OSBP2: variants seen among roughly 807,000 people sequenced by gnomAD.
OSBP2 encodes oxysterol-binding protein 2.
Under a neutral mutation model 96.0 loss-of-function variants are expected in OSBP2, and 66 were observed. That is an observed-to-expected ratio of 0.69 (90% CI 0.56 to 0.84). The LOEUF (loss-of-function observed/expected upper bound fraction) is 0.84. Ranked by LOEUF, OSBP2 falls within the 40% of genes least tolerant of loss-of-function variation. OSBP2 has a pLI of 0.00. For missense variants in OSBP2, 1,038 were observed against 1,222.7 expected, an observed-to-expected ratio of 0.85 and a Z score of 2.25; for synonymous variants, 525 against 520.9, an observed-to-expected ratio of 1.01 and a Z score of -0.11.
intron 2 of OSBP2, among the ~76,000 whole-genome samples, chr22:30,858,137 TTGTTTGTTTGTTTG>T (rs1569152887): frequency 0.04 from 3,768 of 94,976 alleles, 381 homozygotes; most frequent in African/African-American, 0.17. Context: ...TTTTGTTTGT[TTGTTTGTTTGTTTG>T]TTTTTTGAGA....
rs919036828 is a variant in OSBP2, at chr22:30,868,099, G to A, written c.854-2330G>A. ...CTTTCCGTCCCCAGATCTACCTCAC[G>A]GGGTCTTCGCAGGCATTAACTGAGG... On this transcript the variant is annotated intron_variant, in intron 2 of 13. Transcript: ENST00000332585. Among the ~76,000 whole-genome samples, 8 of 152,364 alleles carry A rather than the reference G, an allele frequency of 5.3e-5. No homozygotes were observed. In the South Asian group the frequency reaches 6.2e-4, roughly 12 times the overall value.
chr22:30,816,108 GTAAATAAT>G (rs2091080674), intron 2 of OSBP2, among the ~76,000 whole-genome samples: 1 of 151,918 alleles, frequency 6.6e-6, no homozygotes, highest in South Asian at 2.1e-4. Flanking sequence ...GGCATTTGCT[GTAAATAAT>G]TAAATAATTA....
At chr22:30,852,876 A>G (rs910723069) in intron 2 of OSBP2, among the ~76,000 whole-genome samples, 1 of 151,982 alleles carries the variant, frequency 6.6e-6, no homozygotes, top group Non-Finnish European at 1.5e-5. Flanking sequence ...CAGTTATTCA[A>G]CCCATTGGCT....
intron 2 of OSBP2, among the ~76,000 whole-genome samples, chr22:30,773,879 G>A (rs1358119138): frequency 6.6e-6 from 1 of 152,190 alleles, no homozygotes; most frequent in African/African-American, 2.4e-5. Context: ...TCCAGCAGGG[G>A]CAGTGGAGTC....
At chr22:30,844,871 G>C (rs2038837041) in intron 2 of OSBP2, among the ~76,000 whole-genome samples, 1 of 152,206 alleles carries the variant, frequency 6.6e-6, no homozygotes, top group African/African-American at 2.4e-5. Context: ...TAAAGTGAGA[G>C]CCATGCAACT....
intron 2 of OSBP2, among the ~76,000 whole-genome samples, chr22:30,831,343 G>A (rs1396762510): frequency 6.6e-6 from 1 of 152,178 alleles, no homozygotes; most frequent in East Asian, 1.9e-4. Flanking sequence ...GTTATTATTT[G>A]TTGTTGCTCT....
intron 2 of OSBP2, among the ~76,000 whole-genome samples, chr22:30,803,353 G>A (rs1018748012): frequency 1.3e-5 from 2 of 152,240 alleles, no homozygotes; most frequent in African/African-American, 4.8e-5. Context: ...TGGGATAGAG[G>A]GCAGGCCCCT....
Position 30,870,717 on chromosome 22 carries a change from TC to T in OSBP2, c.1107+38del. ...CACCCCCACCGCCCTGGCACGGGGC[TC>T]CCTGGCTCCAGCCCCGGGGTCCCTC... On this transcript the variant is annotated intron_variant, in intron 3 of 13. Coordinates refer to ENST00000332585, the MANE Select transcript of OSBP2 (RefSeq NM_030758.4). This position sits in a 1 kb window ranked among gnomAD's most constrained non-coding sequence, Gnocchi z 4.1. 1 of 1,599,686 alleles carries T rather than the reference TC, an allele frequency of 6.3e-7. No homozygotes were observed.
At chr22:30,767,138 CAAA>C (rs1156950666) in intron 2 of OSBP2, among the ~76,000 whole-genome samples, 11 of 78,460 alleles carry the variant, frequency 1.4e-4, no homozygotes, top group African/African-American at 4.7e-4. Context: ...ACTAAAAATA[CAAA>C]AAAAAAAAAA....
intron 3 of OSBP2, among the ~76,000 whole-genome samples, chr22:30,884,564 G>A (rs1285533951): frequency 6.6e-6 from 1 of 152,224 alleles, no homozygotes; most frequent in East Asian, 1.9e-4. Flanking sequence ...CCTGTGTGGT[G>A]CTTGAGGGAG....
chr22:30,705,701 C>T (rs1454973342), intron 1 of OSBP2, among the ~76,000 whole-genome samples: 1 of 152,114 alleles, frequency 6.6e-6, no homozygotes, highest in East Asian at 1.9e-4. Context: ...AAGATTGGGG[C>T]CTGACAAGAA....
At chr22:30,706,938 C>A (rs2089263669) in intron 1 of OSBP2, among the ~76,000 whole-genome samples, 1 of 152,110 alleles carries the variant, frequency 6.6e-6, no homozygotes, top group African/African-American at 2.4e-5. Context: ...TTGTGTATTT[C>A]ATTTGGCCAT....
At chr22:30,861,601 A>G (rs1191209961) in intron 2 of OSBP2, among the ~76,000 whole-genome samples, 3 of 152,008 alleles carry the variant, frequency 2.0e-5, no homozygotes, top group African/African-American at 4.8e-5. Flanking sequence ...CGTGCCTTCC[A>G]GCGTCCTCAG....
rs568698745 is a variant in OSBP2, at chr22:30,763,764, GTGTGTC to G, written c.853+22398_853+22403del. On this transcript the variant is annotated intron_variant, in intron 2 of 13. Transcript: ENST00000332585. ...GTCTATATACTAAAATTTATTTATT[GTGTGTC>G]TGAAATTCAAATGTAACTGGGCATC... Among the ~76,000 whole-genome samples, 84 of 152,138 alleles carry G rather than the reference GTGTGTC, an allele frequency of 5.5e-4. 2 individuals carry two copies. In the South Asian group the frequency reaches 0.017, roughly 31 times the overall value.
In OSBP2 at chr22:30,881,759, C is replaced by T. The variant is rs188700536; in HGVS notation, c.1108-5667C>T. ...AGCCAGGATGGGGCCTGGAGAAGGCCGGCAGCAGCAGAGGAGACCCTGGGA... is the reference window on the plus strand; with the variant it reads ...AGCCAGGATGGGGCCTGGAGAAGGCTGGCAGCAGCAGAGGAGACCCTGGGA... On this transcript the variant is annotated intron_variant, in intron 3 of 13. Transcript: ENST00000332585. This position sits in a 1 kb window ranked among gnomAD's most constrained non-coding sequence, Gnocchi z 4.5. 5.4e-6 allele frequency: 7 copies of T among 1,304,160 alleles called. No individual in the cohort carries two copies. The highest frequency in any genetic ancestry group is 5.5e-5 in the East Asian group (1 of 18,034). The allele number at this position is 1,304,160 out of a possible 1,614,324, so 80.8% of individuals were successfully genotyped here.
chr22:30,830,985 T>A (rs547437319), intron 2 of OSBP2, among the ~76,000 whole-genome samples: 12 of 152,340 alleles, frequency 7.9e-5, no homozygotes, highest in African/African-American at 2.9e-4. Flanking sequence ...GTGGAATGCC[T>A]TTTCCTTCTG....
chr22:30,729,853 A>G (rs1179424872), intron 1 of OSBP2, among the ~76,000 whole-genome samples: 1 of 152,120 alleles, frequency 6.6e-6, no homozygotes, highest in East Asian at 1.9e-4. Context: ...AAAATACAAA[A>G]ATTAGCCAGG....
chr22:30,903,589 G>A (rs1440870534), intron 12 of OSBP2, among the ~76,000 whole-genome samples: 2 of 152,258 alleles, frequency 1.3e-5, no homozygotes, highest in African/African-American at 4.8e-5. Context: ...GTGTCCCAAT[G>A]AGTTCACTCC....
chr22:30,716,794 T>G (rs1038792489), intron 1 of OSBP2, among the ~76,000 whole-genome samples: 1 of 152,220 alleles, frequency 6.6e-6, no homozygotes, highest in Non-Finnish European at 1.5e-5. Context: ...GTAGAAGTTC[T>G]TCTTACATTC....
Sources: allele counts gnomAD v4.1 joint callset (sites outside exome capture counted in the v4.1 genomes callset), GRCh38; gene constraint gnomAD v4.1.1; non-coding constraint Gnocchi (gnomAD v3.1); transcripts MANE v1.5; gene names NCBI Gene and HGNC (gene_info 2026-07-23, HGNC 2026-07-21).